MAN1A2: variants seen among roughly 807,000 people sequenced by gnomAD.
The protein encoded by MAN1A2 is mannosyl-oligosaccharide 1,2-alpha-mannosidase IB.
Under a neutral mutation model 75.7 loss-of-function variants are expected in MAN1A2, and 26 were observed. That is an observed-to-expected ratio of 0.34 (90% CI 0.25 to 0.48). The LOEUF (loss-of-function observed/expected upper bound fraction) is 0.48. Ranked by LOEUF, MAN1A2 falls within the 20% of genes least tolerant of loss-of-function variation. The probability of loss-of-function intolerance (pLI) is 0.99; values close to 1 mark genes in which losing one functional copy is unlikely to be tolerated. For missense variants in MAN1A2, 562 were observed against 775.5 expected, an observed-to-expected ratio of 0.72 and a Z score of 3.27; for synonymous variants, 247 against 264.6, an observed-to-expected ratio of 0.93 and a Z score of 0.65.
chr1:117,406,055 G>A (rs72689600), intron 3 of MAN1A2, among the ~76,000 whole-genome samples: 11,596 of 152,080 alleles, frequency 0.076, 496 homozygotes, highest in Middle Eastern at 0.15. Context: ...TGACATACCT[G>A]GGATGATTGG....
At chr1:117,398,888 G>A (rs76743125) in intron 1 of MAN1A2, among the ~76,000 whole-genome samples, 144 of 152,286 alleles carry the variant, frequency 9.5e-4, no homozygotes, top group African/African-American at 3.4e-3. Context: ...AAAGCACATT[G>A]GGTCTATAGT....
rs528217268 is a variant in MAN1A2 at position 117,489,908 on chromosome 1, A to G, written c.1169-3239A>G. On this transcript the variant is annotated intron_variant, in intron 8 of 12. Transcript: ENST00000356554. The stretch of plus-strand genomic sequence containing the variant: ...ATTTAAAAACCAGGGATATTACTGT[A>G]TGAGTGAATGAGGGTTATAAGAAAT... Among the ~76,000 whole-genome samples, 5 of 151,898 alleles carry G rather than the reference A, an allele frequency of 3.3e-5. No homozygotes were observed. In the South Asian group the frequency reaches 6.2e-4, roughly 19 times the overall value.
chr1:117,429,438 C>CT (rs1359777534), intron 5 of MAN1A2, among the ~76,000 whole-genome samples: 1 of 128,560 alleles, frequency 7.8e-6, no homozygotes, highest in Non-Finnish European at 1.7e-5. Flanking sequence ...GGGGGCTGAC[C>CT]CCCCCCACCT....
intron 8 of MAN1A2, among the ~76,000 whole-genome samples, chr1:117,471,111 A>G (rs1357803964): frequency 1.3e-5 from 2 of 151,880 alleles, no homozygotes; most frequent in Non-Finnish European, 2.9e-5. Context: ...AAGAAAATAT[A>G]GGAAATCAGT....
intron 10 of MAN1A2, among the ~76,000 whole-genome samples, chr1:117,497,616 T>A (rs1651070037): frequency 6.6e-6 from 1 of 151,912 alleles, no homozygotes; most frequent in Non-Finnish European, 1.5e-5. Context: ...TTTTTATGTA[T>A]AAAGCACAGA....
rs1192137749 is a variant in MAN1A2 at position 117,368,306 on chromosome 1, T to A, written c.123T>A (p.Leu41=). 6.2e-7 allele frequency: 1 copy of A among 1,614,042 alleles called. No individual in the cohort carries two copies. Among genetic ancestry groups the A allele is most frequent in the Non-Finnish European group, 8.5e-7 (1 of 1,180,016 alleles). The change falls in exon 1 of 13, where the codon CTT becomes CTA. Residue 41 remains leucine, a synonymous_variant. Coordinates refer to ENST00000356554, the MANE Select transcript of MAN1A2 (RefSeq NM_006699.5). The stretch of plus-strand genomic sequence containing the variant: ...TTTCTGAGAAGTTTATTCTTCTCCT[T>A]ATTCTTAGTGCCTTCATCACTCTGT... ...LRLSEKFILL[L]ILSAFITLCF...
intron 4 of MAN1A2, among the ~76,000 whole-genome samples, chr1:117,415,523 A>C (rs1005017631): frequency 3.3e-5 from 5 of 152,180 alleles, no homozygotes; most frequent in Non-Finnish European, 7.3e-5. Flanking sequence ...CTAACTAGAC[A>C]AAAATGGTTT....
chr1:117,429,586 C>T (rs1258552504), intron 5 of MAN1A2, among the ~76,000 whole-genome samples: 2 of 94,678 alleles, frequency 2.1e-5, no homozygotes, highest in African/African-American at 8.6e-5. Context: ...GGGGGCTGAC[C>T]CCCCCACCTC....
intron 12 of MAN1A2, chr1:117,515,060 T>TAACC (rs1651672525): frequency 6.7e-6 from 2 of 300,226 alleles, no homozygotes; most frequent in Admixed American, 8.3e-5. Flanking sequence ...GAGTCTGGTT[T>TAACC]AGAAATCTCT....
chr1:117,456,861 AATAT>A (rs1176014944), intron 6 of MAN1A2, among the ~76,000 whole-genome samples: 5 of 152,066 alleles, frequency 3.3e-5, no homozygotes, highest in Admixed American at 3.3e-4. Flanking sequence ...TGAAGTATAC[AATAT>A]AAATAAATCT....
chr1:117,518,012 A>C (rs984055507), intron 12 of MAN1A2, among the ~76,000 whole-genome samples: 8 of 151,978 alleles, frequency 5.3e-5, no homozygotes, highest in African/African-American at 1.7e-4. Context: ...GAAAGACTTA[A>C]AGTAATTTTA....
intron 6 of MAN1A2, among the ~76,000 whole-genome samples, chr1:117,451,135 C>T (rs1323973741): frequency 1.3e-5 from 2 of 152,204 alleles, no homozygotes; most frequent in African/African-American, 4.8e-5. Flanking sequence ...CAGAGCTGCC[C>T]AAGGCTGTGG....
intron 1 of MAN1A2, among the ~76,000 whole-genome samples, chr1:117,389,481 A>G (rs1245496224): frequency 2.0e-5 from 3 of 152,104 alleles, no homozygotes; most frequent in Non-Finnish European, 4.4e-5. Flanking sequence ...GCAAGTGGTA[A>G]TGCTTGCTTG....
intron 12 of MAN1A2, among the ~76,000 whole-genome samples, chr1:117,514,104 T>G (rs1394822502): frequency 6.6e-6 from 1 of 152,204 alleles, no homozygotes; most frequent in Admixed American, 6.6e-5. Flanking sequence ...GGCTCATGCC[T>G]GTAATCCCAG....
rs184672563 is a variant in MAN1A2, at chr1:117,371,747, A to G, written c.302+3262A>G. Among the ~76,000 whole-genome samples, 705 of 152,288 alleles carry G rather than the reference A, an allele frequency of 4.6e-3. 3 individuals are homozygous for G. The highest frequency in any genetic ancestry group is 6.8e-3 in the Middle Eastern group (2 of 294). ...TGCTTACAAGTTTTTTGGCCTCCTT[A>G]TTGTTGTTACAAAAGTTTGAATTAG... is the stretch of plus-strand genomic sequence containing the variant. On this transcript the variant is annotated intron_variant, in intron 1 of 12. Coordinates refer to ENST00000356554, the MANE Select transcript of MAN1A2 (RefSeq NM_006699.5).
At chr1:117,432,135 C>T (rs1425874484) in intron 5 of MAN1A2, among the ~76,000 whole-genome samples, 1 of 152,106 alleles carries the variant, frequency 6.6e-6, no homozygotes, top group African/African-American at 2.4e-5. Context: ...AAAGAATCAA[C>T]AGAATTGATA....
At chr1:117,382,350 A>G (rs565253988) in intron 1 of MAN1A2, among the ~76,000 whole-genome samples, 217 of 152,242 alleles carry the variant, frequency 1.4e-3, no homozygotes, top group Non-Finnish European at 2.1e-3. Flanking sequence ...TCTTGAATTA[A>G]TTTTTGTATA....
intron 6 of MAN1A2, among the ~76,000 whole-genome samples, chr1:117,444,892 A>G (rs1376106592): frequency 6.6e-6 from 1 of 152,074 alleles, no homozygotes; most frequent in Admixed American, 6.5e-5. Flanking sequence ...AATTGTCTCC[A>G]TCTATATTTT....
At chr1:117,444,016 T>C (rs1185316506) in intron 6 of MAN1A2, among the ~76,000 whole-genome samples, 1 of 152,072 alleles carries the variant, frequency 6.6e-6, no homozygotes, top group Non-Finnish European at 1.5e-5. Flanking sequence ...TAATCTATCA[T>C]ATTTATCTTC....
Sources: gnomAD v4.1 joint callset for allele counts (sites outside exome capture counted in the v4.1 genomes callset) on GRCh38, gnomAD v4.1.1 for gene constraint, MANE v1.5 for transcripts, NCBI Gene and HGNC (gene_info 2026-07-23, HGNC 2026-07-21) for gene names.